The following PLCB1 variants were observed in gnomAD, a reference collection of about 807,000 sequenced individuals.
PLCB1 encodes the protein phospholipase C beta 1.
A neutral mutation model predicts 161.8 loss-of-function variants in PLCB1; 46 were observed. The observed-to-expected ratio is 0.28, with a 90% CI of 0.22 to 0.36. The LOEUF is 0.36. Ranked by LOEUF, PLCB1 falls within the 10% of genes least tolerant of loss-of-function variation. PLCB1 has a pLI of 1.00. For synonymous variants in PLCB1, 517 were observed against 503.7 expected, an observed-to-expected ratio of 1.03 and a Z score of -0.35; for missense variants, 1,016 against 1,472.5, an observed-to-expected ratio of 0.69 and a Z score of 5.07.
intron 4 of PLCB1, among the ~76,000 whole-genome samples, chr20:8,632,746 C>T (rs1988638621): frequency 1.3e-5 from 2 of 152,082 alleles, no homozygotes; most frequent in South Asian, 4.1e-4. Flanking sequence ...GTCTGGTGTA[C>T]TTTAGGAACA....
chr20:8,214,544 A>C (rs1247605701), intron 2 of PLCB1, among the ~76,000 whole-genome samples: 1 of 152,120 alleles, frequency 6.6e-6, no homozygotes. Context: ...CATTTTCTTT[A>C]TAAATTACCC....
intron 2 of PLCB1, among the ~76,000 whole-genome samples, chr20:8,201,146 T>C (rs2052087568): frequency 6.6e-6 from 1 of 152,104 alleles, no homozygotes. Flanking sequence ...ATAATTGTCT[T>C]ATTTATTTGG....
At chr20:8,538,974 G>T (rs1029488550) in intron 3 of PLCB1, among the ~76,000 whole-genome samples, 2 of 151,668 alleles carry the variant, frequency 1.3e-5, no homozygotes, top group Non-Finnish European at 2.9e-5. Context: ...TGTATTTTCA[G>T]TAGAGACAGG....
At chr20:8,350,755 AT>A (rs1986155029) in intron 2 of PLCB1, among the ~76,000 whole-genome samples, 1 of 152,208 alleles carries the variant, frequency 6.6e-6, no homozygotes, top group Non-Finnish European at 1.5e-5. Flanking sequence ...ACTGTTAAAA[AT>A]ATCACCAAAA....
chr20:8,413,505 A>C (rs1979133594), intron 3 of PLCB1, among the ~76,000 whole-genome samples: 1 of 152,238 alleles, frequency 6.6e-6, no homozygotes, highest in African/African-American at 2.4e-5. Flanking sequence ...TAATTAAAGT[A>C]CACAAAATGT....
Position 8,158,049 on chromosome 20 carries a change from A to G in PLCB1, c.177+7678A>G, listed in dbSNP as rs558421076. On this transcript the variant is annotated intron_variant, in intron 2 of 31. Transcript: ENST00000338037. ...TACTTTAGGAGAAATTAAATTGGAT[A>G]CTTTCCATGCTATGAAGCTATTATA... 5.3e-5 allele frequency among the ~76,000 whole-genome samples: 8 copies of G among 152,366 alleles called. No homozygotes were observed. The East Asian group carries it at 1.5e-3, about 29-fold the overall frequency.
intron 3 of PLCB1, among the ~76,000 whole-genome samples, chr20:8,601,763 A>G (rs1216485473): frequency 6.6e-6 from 1 of 152,148 alleles, no homozygotes; most frequent in Non-Finnish European, 1.5e-5. Context: ...CACTTGAGTA[A>G]AGCAGATGGA....
chr20:8,344,328 A>G (rs1985916122), intron 2 of PLCB1, among the ~76,000 whole-genome samples: 1 of 152,330 alleles, frequency 6.6e-6, no homozygotes, highest in Non-Finnish European at 1.5e-5. Flanking sequence ...GTTTGTGCCA[A>G]CTGGGCACCG....
intron 2 of PLCB1, among the ~76,000 whole-genome samples, chr20:8,324,549 T>G (rs1167993399): frequency 1.3e-5 from 2 of 152,192 alleles, no homozygotes; most frequent in African/African-American, 4.8e-5. Flanking sequence ...TGGGAAAATC[T>G]TTAATTGGCA....
chr20:8,620,747 CAAAAAAAAA>C (rs779029928), intron 3 of PLCB1, among the ~76,000 whole-genome samples: 7 of 75,250 alleles, frequency 9.3e-5, no homozygotes, highest in Non-Finnish European at 2.6e-5. Flanking sequence ...CTGCCCCCAC[CAAAAAAAAA>C]AAAAAAAAAA....
intron 3 of PLCB1, among the ~76,000 whole-genome samples, chr20:8,410,961 C>T (rs1343378787): frequency 2.0e-5 from 3 of 152,186 alleles, no homozygotes; most frequent in African/African-American, 7.2e-5. Flanking sequence ...AGGCAGGGAC[C>T]TGAATCTCCC....
intron 1 of PLCB1, among the ~76,000 whole-genome samples, chr20:8,145,610 A>G (rs2123023513): frequency 6.6e-6 from 1 of 152,356 alleles, no homozygotes; most frequent in South Asian, 2.1e-4. Context: ...GGATAAAACC[A>G]TAAACTGCCT....
At chr20:8,873,723 T>C (rs897486091) in intron 31 of PLCB1, among the ~76,000 whole-genome samples, 1 of 152,052 alleles carries the variant, frequency 6.6e-6, no homozygotes, top group Non-Finnish European at 1.5e-5. Context: ...ATCACAAAAA[T>C]ATAATTATTT....
chr20:8,280,101 T>A lies in PLCB1; in HGVS notation c.178-91281T>A, dbSNP rs556944925. On this transcript the variant is annotated intron_variant, in intron 2 of 31. Coordinates refer to ENST00000338037, the MANE Select transcript of PLCB1 (RefSeq NM_015192.4). ...CTGTAATCCCAACACTTTCAGAGGC[T>A]GAGGCGGGCGGATCACCTGAGGTCA... Among the ~76,000 whole-genome samples, 6 of 152,294 alleles carry A rather than the reference T, an allele frequency of 3.9e-5. No individual in the cohort carries two copies. In the South Asian group the frequency reaches 1.2e-3, roughly 32 times the overall value.
chr20:8,694,741 T>C (rs1353361034), intron 10 of PLCB1, among the ~76,000 whole-genome samples: 1 of 152,230 alleles, frequency 6.6e-6, no homozygotes, highest in African/African-American at 2.4e-5. Context: ...TCAGAAATTG[T>C]ACAATATGTA....
rs748303917 is a variant in PLCB1 at position 8,677,353 on chromosome 20, C to T, written c.863-7579C>T. On this transcript the variant is annotated intron_variant, in intron 9 of 31. Coordinates refer to ENST00000338037, the MANE Select transcript of PLCB1 (RefSeq NM_015192.4). ...CCTGGAGGTGGAGGTTGTGGTAAGC[C>T]GAGATCGCACCATTGCACTCCAGCC... is the stretch of plus-strand genomic sequence containing the variant. Among the ~76,000 whole-genome samples the T allele has an allele frequency of 1.1e-4, 16 of 151,892 alleles. 1 individual carries two copies. Among genetic ancestry groups the T allele is most frequent in the South Asian group, 6.2e-4 (3 of 4,818 alleles).
At chr20:8,701,041 G>T (rs936036912) in intron 11 of PLCB1, among the ~76,000 whole-genome samples, 1 of 152,232 alleles carries the variant, frequency 6.6e-6, no homozygotes, top group Admixed American at 6.5e-5. Flanking sequence ...TGTAAGCACA[G>T]AGCTGGCACT....
chr20:8,570,502 GATTA>G (rs1185985204), intron 3 of PLCB1, among the ~76,000 whole-genome samples: 1 of 152,112 alleles, frequency 6.6e-6, no homozygotes, highest in African/African-American at 2.4e-5. Context: ...TTACCACGCT[GATTA>G]ATTTTTTTAT....
intron 3 of PLCB1, among the ~76,000 whole-genome samples, chr20:8,438,530 A>G (rs1337042369): frequency 6.6e-6 from 1 of 152,226 alleles, no homozygotes; most frequent in Non-Finnish European, 1.5e-5. Context: ...AAAGGGAAAC[A>G]TATACCATCT....
Sources: allele counts gnomAD v4.1 joint callset (sites outside exome capture counted in the v4.1 genomes callset), GRCh38; gene constraint gnomAD v4.1.1; transcripts MANE v1.5; gene names NCBI Gene and HGNC (gene_info 2026-07-23, HGNC 2026-07-21).